The following ETV6 variants were observed in gnomAD, a reference collection of about 807,000 sequenced individuals.
ETV6 encodes the protein ETS variant transcription factor 6.
In ETV6, 16 loss-of-function variants were observed where a neutral mutation model predicts 51.1. The ratio of observed to expected loss-of-function variants is 0.31; its 90% CI spans 0.21 to 0.48. The LOEUF is 0.48. Among genes scored for constraint, ETV6 ranks in the 20% least tolerant of loss-of-function variants. The pLI, the probability that ETV6 is intolerant of heterozygous loss-of-function variation, is 0.99. For synonymous variants in ETV6, 240 were observed against 224.1 expected, an observed-to-expected ratio of 1.07 and a Z score of -0.64; for missense variants, 458 against 594.8, an observed-to-expected ratio of 0.77 and a Z score of 2.39.
chr12:11,838,148 A>T (rs1019149309), intron 2 of ETV6, among the ~76,000 whole-genome samples: 2 of 152,232 alleles, frequency 1.3e-5, no homozygotes, highest in African/African-American at 4.8e-5. Flanking sequence ...AATCTGTTGC[A>T]AGATCACATC....
chr12:11,686,714 G>C (rs205528), intron 1 of ETV6, among the ~76,000 whole-genome samples: 109,987 of 151,982 alleles, frequency 0.72, 43,984 homozygotes, highest in Non-Finnish European at 0.87. Context: ...TTTTAGTAGA[G>C]ATGGGGTTTC....
At position 11,730,005 on chromosome 12, in the gene ETV6, A is replaced by G. The variant is rs376784041; in HGVS notation, c.34-22445A>G. Among the ~76,000 whole-genome samples, 7 of 152,148 alleles carry G rather than the reference A, an allele frequency of 4.6e-5. No individual in the cohort carries two copies. In the East Asian group the frequency reaches 5.8e-4, roughly 13 times the overall value. ...TAGAAAGGGGAGTTCATGACCATCT[A>G]TGCGTTACTGGGGGATTTTTCTGTG... On this transcript the variant is annotated intron_variant, in intron 1 of 7. Transcript: ENST00000396373.
At chr12:11,881,994 G>C (rs1947104156) in intron 5 of ETV6, among the ~76,000 whole-genome samples, 1 of 152,174 alleles carries the variant, frequency 6.6e-6, no homozygotes. Flanking sequence ...GCAAGACGGG[G>C]TGGGCAATAG....
At chr12:11,883,832 C>G (rs1007520289) in intron 5 of ETV6, among the ~76,000 whole-genome samples, 15 of 152,238 alleles carry the variant, frequency 9.9e-5, no homozygotes, top group African/African-American at 3.6e-4. Context: ...ATATCTGTAT[C>G]TCTTTTTGAA....
intron 1 of ETV6, among the ~76,000 whole-genome samples, chr12:11,654,118 G>GT (rs1863957131): frequency 6.6e-6 from 1 of 152,034 alleles, no homozygotes; most frequent in Non-Finnish European, 1.5e-5. Context: ...CCAGCGTAAT[G>GT]TTTTATTATT....
intron 2 of ETV6, chr12:11,752,863 C>G (rs547544705): frequency 3.5e-4 from 100 of 284,134 alleles, no homozygotes; most frequent in African/African-American, 2.1e-3. Flanking sequence ...ACTAAATCTC[C>G]TAGTAGACAA....
intron 1 of ETV6, among the ~76,000 whole-genome samples, chr12:11,669,047 C>T (rs1313211449): frequency 6.6e-6 from 1 of 152,230 alleles, no homozygotes; most frequent in Non-Finnish European, 1.5e-5. Flanking sequence ...ATTCTGTACA[C>T]ACCCGCATGC....
chr12:11,795,387 G>A (rs114474008), intron 2 of ETV6, among the ~76,000 whole-genome samples: 1,694 of 152,322 alleles, frequency 0.011, 34 homozygotes, highest in African/African-American at 0.039. Flanking sequence ...TGGAACTGGT[G>A]CCCAGTTAGC....
At chr12:11,844,088 T>C (rs1019324890) in intron 3 of ETV6, among the ~76,000 whole-genome samples, 21 of 151,956 alleles carry the variant, frequency 1.4e-4, no homozygotes, top group African/African-American at 5.1e-4. Context: ...CTTGACTACT[T>C]TGAGACTCTG....
At chr12:11,681,593 C>CT (rs1307697951) in intron 1 of ETV6, among the ~76,000 whole-genome samples, 1 of 152,020 alleles carries the variant, frequency 6.6e-6, no homozygotes, top group Non-Finnish European at 1.5e-5. Context: ...TATTATTATA[C>CT]TTTAAGTTCT....
rs893746826 is a variant in ETV6, at chr12:11,747,354, T to C, written c.34-5096T>C. 2.0e-5 allele frequency among the ~76,000 whole-genome samples: 3 copies of C among 152,178 alleles called. No individual in the cohort carries two copies. The East Asian group carries it at 5.8e-4, about 29-fold the overall frequency. Reference sequence around the variant, plus strand: ...ACTGGACACCAAGAAGAAAGCCAGCTTGGGCCCCTATACCATCTTGGATGT... The same window carrying C: ...ACTGGACACCAAGAAGAAAGCCAGCCTGGGCCCCTATACCATCTTGGATGT... On this transcript the variant is annotated intron_variant, in intron 1 of 7. Transcript: ENST00000396373.
At chr12:11,790,821 G>A (rs1220852656) in intron 2 of ETV6, among the ~76,000 whole-genome samples, 3 of 151,698 alleles carry the variant, frequency 2.0e-5, no homozygotes, top group Non-Finnish European at 4.4e-5. Flanking sequence ...GGGATCACAG[G>A]CGCGCGCCAC....
intron 1 of ETV6, among the ~76,000 whole-genome samples, chr12:11,670,991 T>G (rs1242537940): frequency 1.3e-5 from 2 of 152,190 alleles, no homozygotes; most frequent in African/African-American, 4.8e-5. Context: ...TTGCTTTTCC[T>G]TAACTGTCCT....
chr12:11,884,643 C>T (rs1158543822), intron 6 of ETV6, 56 bp downstream of exon 6: 1 of 1,598,930 alleles, frequency 6.3e-7, no homozygotes. Context: ...AAGTCCTTAT[C>T]CCTGGATTGG....
At chr12:11,806,180 G>C (rs1342612441) in intron 2 of ETV6, among the ~76,000 whole-genome samples, 1 of 152,194 alleles carries the variant, frequency 6.6e-6, no homozygotes, top group Non-Finnish European at 1.5e-5. Context: ...TCACACAGTT[G>C]AGGTTTTGGA....
At chr12:11,690,976 A>G (rs1027449814) in intron 1 of ETV6, among the ~76,000 whole-genome samples, 35 of 152,124 alleles carry the variant, frequency 2.3e-4, no homozygotes, top group African/African-American at 7.5e-4. Context: ...AACAAAACAC[A>G]TAAACTGAGT....
At chr12:11,828,858 A>G (rs79079148) in intron 2 of ETV6, among the ~76,000 whole-genome samples, 1,611 of 152,156 alleles carry the variant, frequency 0.011, 27 homozygotes, top group African/African-American at 0.036. Flanking sequence ...CATTTTCTGC[A>G]TTAATTTTGA....
chr12:11,891,751 G>A lies in ETV6; in HGVS notation c.*705G>A. 1 of 388,140 alleles carries A rather than the reference G, an allele frequency of 2.6e-6. No individual in the cohort carries two copies. Among genetic ancestry groups the A allele is most frequent in the Non-Finnish European group, 5.0e-6 (1 of 201,200 alleles). The allele number at this position is 388,140 out of a possible 1,614,324, so 24.0% of individuals were successfully genotyped here. A position where few individuals can be genotyped will look rare whatever the true frequency, so the allele number is the denominator to read the frequency against. ...TTCTGACAGAGTTCAGCCTCTTGGA[G>A]AGTCTTGGGGATTGTTGGCACCTAA... On this transcript the variant is annotated 3_prime_UTR_variant, in exon 8 of 8. Coordinates refer to ENST00000396373, the MANE Select transcript of ETV6 (RefSeq NM_001987.5).
chr12:11,878,461 G>A (rs1313378632), intron 5 of ETV6, among the ~76,000 whole-genome samples: 5 of 152,052 alleles, frequency 3.3e-5, no homozygotes, highest in African/African-American at 9.7e-5. Context: ...GCGGAGGCTG[G>A]GCCTTATTAG....
Sources: gnomAD v4.1 joint callset for allele counts (sites outside exome capture counted in the v4.1 genomes callset) on GRCh38, gnomAD v4.1.1 for gene constraint, MANE v1.5 for transcripts, NCBI Gene and HGNC (gene_info 2026-07-23, HGNC 2026-07-21) for gene names.